Variants in HFM1 observed in about 807,000 individuals in gnomAD.
HFM1 encodes the protein probable ATP-dependent DNA helicase HFM1.
In HFM1, 169 loss-of-function variants were observed where a neutral mutation model predicts 192.1. That is an observed-to-expected ratio of 0.88 (90% CI 0.78 to 1.00). HFM1 has a LOEUF of 1.00. Ranked by LOEUF, HFM1 falls within the 50% of genes least tolerant of loss-of-function variation. The probability of loss-of-function intolerance (pLI) is 0.00; values close to 1 mark genes in which losing one functional copy is unlikely to be tolerated. For missense variants in HFM1, 1,661 were observed against 1,668.0 expected, an observed-to-expected ratio of 1.00 and a Z score of 0.07; for synonymous variants, 525 against 537.8, an observed-to-expected ratio of 0.98 and a Z score of 0.33.
At chr1:91,337,863 G>A (rs1305786157) in intron 20 of HFM1, among the ~76,000 whole-genome samples, 4 of 152,198 alleles carry the variant, frequency 2.6e-5, no homozygotes, top group South Asian at 2.1e-4. Flanking sequence ...ACTGAGAAAG[G>A]AGGAGGAGAA....
At chr1:91,277,199 G>T (rs1666907372) in intron 30 of HFM1, 137 bp from the exon 31 acceptor site, 2 of 467,278 alleles carry the variant, frequency 4.3e-6, no homozygotes, top group Non-Finnish European at 7.3e-6. Context: ...CAAGTGTTTT[G>T]TAATCCACGT....
chr1:91,389,546 T>C (rs942714966), intron 4 of HFM1, among the ~76,000 whole-genome samples: 2 of 152,092 alleles, frequency 1.3e-5, no homozygotes, highest in Non-Finnish European at 2.9e-5. Context: ...CTCTCTCTGT[T>C]CATACACACA....
At chr1:91,275,731 A>G (rs1666740344) in intron 32 of HFM1, among the ~76,000 whole-genome samples, 3 of 152,092 alleles carry the variant, frequency 2.0e-5, no homozygotes, top group African/African-American at 7.2e-5. Flanking sequence ...CTCCATTGCT[A>G]TTGCCACTAC....
intron 20 of HFM1, among the ~76,000 whole-genome samples, chr1:91,331,665 G>A (rs1653838760): frequency 6.6e-6 from 1 of 152,226 alleles, no homozygotes; most frequent in Non-Finnish European, 1.5e-5. Flanking sequence ...GAAGGCAAAG[G>A]CAGGCAGATC....
chr1:91,310,965 C>T (rs141705154), intron 30 of HFM1, among the ~76,000 whole-genome samples: 5 of 152,234 alleles, frequency 3.3e-5, no homozygotes, highest in East Asian at 3.9e-4. Flanking sequence ...TATGTGGAAG[C>T]GACTTTGAAA....
intron 13 of HFM1, among the ~76,000 whole-genome samples, chr1:91,374,663 C>A (rs560955109): frequency 6.6e-6 from 1 of 152,198 alleles, no homozygotes; most frequent in Non-Finnish European, 1.5e-5. Flanking sequence ...AGGAGCTGGT[C>A]TGAGAGCAAG....
chr1:91,306,276 G>A (rs1018286275), intron 30 of HFM1, among the ~76,000 whole-genome samples: 3 of 152,176 alleles, frequency 2.0e-5, no homozygotes, highest in African/African-American at 7.2e-5. Context: ...AGATTATGGT[G>A]AGCCGAGATT....
At chr1:91,267,483 C>G (rs1241886236) in intron 35 of HFM1, among the ~76,000 whole-genome samples, 4 of 152,050 alleles carry the variant, frequency 2.6e-5, no homozygotes, top group Non-Finnish European at 5.9e-5. Context: ...TTGACTTTTA[C>G]AAGAGATAGG....
At chr1:91,274,637 G>A (rs1666629397) in intron 33 of HFM1, 93 bp downstream of exon 33, 1 of 586,530 alleles carries the variant, frequency 1.7e-6, no homozygotes, top group Admixed American at 2.8e-5. Flanking sequence ...CTTGATGGTA[G>A]CCAGTGACTA....
At chr1:91,295,696 A>C (rs1186559407) in intron 30 of HFM1, among the ~76,000 whole-genome samples, 2 of 152,096 alleles carry the variant, frequency 1.3e-5, no homozygotes, top group African/African-American at 4.8e-5. Flanking sequence ...CTTCACTCTT[A>C]ATGGTATCTT....
At chr1:91,353,681 T>C (rs1029631215) in intron 13 of HFM1, among the ~76,000 whole-genome samples, 1 of 80,148 alleles carries the variant, frequency 1.2e-5, no homozygotes, top group Non-Finnish European at 2.7e-5. Context: ...AACATGGAAA[T>C]AAACCATAGT....
intron 20 of HFM1, among the ~76,000 whole-genome samples, chr1:91,335,141 T>G (rs969287117): frequency 6.6e-6 from 1 of 152,094 alleles, no homozygotes; most frequent in African/African-American, 2.4e-5. Flanking sequence ...ACCAAGGACA[T>G]GGTACAATAG....
chr1:91,313,131 A>T (rs549731790), intron 30 of HFM1, among the ~76,000 whole-genome samples: 113 of 152,266 alleles, frequency 7.4e-4, no homozygotes, highest in African/African-American at 2.5e-3. Context: ...CATATACCAA[A>T]AGATGAATAA....
At chr1:91,364,694 A>G (rs1659037337) in intron 13 of HFM1, among the ~76,000 whole-genome samples, 1 of 134,096 alleles carries the variant, frequency 7.5e-6, no homozygotes, top group Non-Finnish European at 1.5e-5. Context: ...GTGCAGTGGC[A>G]CGATCTCAGC....
intron 30 of HFM1, among the ~76,000 whole-genome samples, chr1:91,284,083 T>A (rs564942907): frequency 6.6e-6 from 1 of 152,222 alleles, no homozygotes; most frequent in Admixed American, 6.5e-5. Flanking sequence ...TACACTGAAC[T>A]GGAGTCCTTG....
intron 4 of HFM1, among the ~76,000 whole-genome samples, chr1:91,391,957 A>T (rs1336018003): frequency 6.6e-6 from 1 of 152,264 alleles, no homozygotes; most frequent in African/African-American, 2.4e-5. Flanking sequence ...GACGATTCTC[A>T]AAAGAAGACA....
At chr1:91,293,991 A>T (rs1251682334) in intron 30 of HFM1, among the ~76,000 whole-genome samples, 7 of 146,224 alleles carry the variant, frequency 4.8e-5, no homozygotes, top group African/African-American at 1.8e-4. Context: ...TAGGTGGGAA[A>T]TGAACAATGA....
Position 91,384,379 on chromosome 1 carries a change from AATGTT to A in HFM1, c.802+803_802+807del, listed in dbSNP as rs1459516223. ...CACAGGGTATTAAAGAAGCAAAAAC[AATGTT>A]ACCTCCAGAACACACAAACATACTC... On this transcript the variant is annotated intron_variant, in intron 6 of 38. Coordinates refer to ENST00000370425, the MANE Select transcript of HFM1 (RefSeq NM_001017975.6). Among the ~76,000 whole-genome samples, 18 of 152,314 alleles carry A rather than the reference AATGTT, an allele frequency of 1.2e-4. No homozygotes were observed. The East Asian group carries it at 3.5e-3, about 29-fold the overall frequency.
At chr1:91,290,233 C>T (rs1668580601) in intron 30 of HFM1, among the ~76,000 whole-genome samples, 1 of 152,048 alleles carries the variant, frequency 6.6e-6, no homozygotes, top group Non-Finnish European at 1.5e-5. Context: ...ACTAAATGCT[C>T]CAATTAAAAG....
Sources: gnomAD v4.1 joint callset for allele counts (sites outside exome capture counted in the v4.1 genomes callset) on GRCh38, gnomAD v4.1.1 for gene constraint, MANE v1.5 for transcripts, NCBI Gene and HGNC (gene_info 2026-07-23, HGNC 2026-07-21) for gene names.